Variants in CFAP418 observed in about 807,000 individuals in gnomAD.
The protein encoded by CFAP418 is cilia and flagella associated protein 418.
A neutral mutation model predicts 24.7 loss-of-function variants in CFAP418; 27 were observed. The observed-to-expected ratio is 1.09, with a 90% CI of 0.81 to 1.51. The LOEUF (loss-of-function observed/expected upper bound fraction) is 1.51. Ranked by LOEUF, CFAP418 falls within the 40% of genes most tolerant of loss-of-function variation. The pLI, the probability that CFAP418 is intolerant of heterozygous loss-of-function variation, is 0.00. For missense variants in CFAP418, 257 were observed against 255.2 expected, an observed-to-expected ratio of 1.01 and a Z score of -0.05; for synonymous variants, 74 against 87.3, an observed-to-expected ratio of 0.85 and a Z score of 0.85.
intron 2 of CFAP418, among the ~76,000 whole-genome samples, chr8:95,261,155 C>T (rs1011440316): frequency 1.3e-5 from 2 of 152,060 alleles, no homozygotes; most frequent in African/African-American, 4.8e-5. Context: ...CATAAACCAA[C>T]CACACACTAG....
In CFAP418 at chr8:95,251,888, T is replaced by A. The variant is rs372969292; in HGVS notation, c.470+300A>T. Among the ~76,000 whole-genome samples, 4 of 152,330 alleles carry A rather than the reference T, an allele frequency of 2.6e-5. No homozygotes were observed. In the East Asian group the frequency reaches 5.8e-4, roughly 22 times the overall value. On this transcript the variant is annotated intron_variant, in intron 5 of 5. Transcript: ENST00000286688. ...TCCAAGGCTACAAACCTCTACAGCA[T>A]GTTACTGTTTATACCAGCATCACCA...
rs1160030425 is a variant in CFAP418, at chr8:95,252,282, C to G, written c.376G>C (p.Ala126Pro). 1 of 1,609,612 alleles carries G rather than the reference C, an allele frequency of 6.2e-7. No individual in the cohort carries two copies. ...GCTATACAACGCAGATGGTCACATGCTCTGTTCAGAGAAAAAAAATTGTAT... is the reference window on the plus strand; with the variant it reads ...GCTATACAACGCAGATGGTCACATGGTCTGTTCAGAGAAAAAAAATTGTAT... ...CGIGTNISWR[A>P]CDHLRCIACD... Residue 126 changes from alanine to proline, a missense_variant and splice_region_variant, in exon 5 of 6, where the codon GCA (alanine) becomes CCA (proline). Ala to Pro is a conservative substitution (Grantham distance 27, BLOSUM62 -1). Coordinates refer to ENST00000286688, the MANE Select transcript of CFAP418 (RefSeq NM_177965.4).
In CFAP418 at chr8:95,269,174, C is replaced by G. The variant is rs769221863; in HGVS notation, c.16G>C (p.Asp6His). The G allele has an allele frequency of 6.2e-7, 1 of 1,614,068 alleles. No individual in the cohort carries two copies. The highest frequency in any genetic ancestry group is 1.3e-5 in the African/African-American group (1 of 74,948). ...GACTCGACTTCATCCAAGAGCTCGT[C>G]CAGGTCCTCCGCCATCTTGAATCGC... Reference protein sequence around the residue: MAEDLDELLDEVESKF... With the variant: MAEDLHELLDEVESKF... The change falls in exon 1 of 6, where the codon GAC becomes CAC. Residue 6 changes from aspartate (D) to histidine (H), a missense_variant. Coordinates refer to ENST00000286688, the MANE Select transcript of CFAP418 (RefSeq NM_177965.4).
chr8:95,252,287 T>C lies in CFAP418; in HGVS notation c.375-4A>G, dbSNP rs753468993. The C allele has an allele frequency of 6.3e-7, 1 of 1,599,478 alleles. No homozygotes were observed. Among genetic ancestry groups the C allele is most frequent in the South Asian group, 1.1e-5 (1 of 88,050 alleles). On this transcript the variant is annotated splice_region_variant and splice_polypyrimidine_tract_variant and intron_variant, in intron 4 of 5. Transcript: ENST00000286688. ...ACAACGCAGATGGTCACATGCTCTG[T>C]TCAGAGAAAAAAAATTGTATATTAA... is the stretch of plus-strand genomic sequence containing the variant.
At position 95,263,747 on chromosome 8, in the gene CFAP418, A is replaced by G. The variant is rs747285368; in HGVS notation, c.183T>C (p.Asp61=). The change falls in exon 2 of 6, where the codon GAT becomes GAC. Residue 61 remains aspartate (D), a synonymous_variant. Coordinates refer to ENST00000286688, the MANE Select transcript of CFAP418 (RefSeq NM_177965.4). The part of the protein sequence containing the change: ...LRSTETFKKE[D]DLDSLINEIL... ...TTTCATTAATAAGACTGTCAAGATC[A>G]TCTTCTTTTTTAAATGTTTCTGTTG... is the stretch of plus-strand genomic sequence containing the variant. 6.2e-7 allele frequency: 1 copy of G among 1,608,794 alleles called. No homozygotes were observed. Among genetic ancestry groups the G allele is most frequent in the Admixed American group, 1.7e-5 (1 of 59,940 alleles).
chr8:95,262,634 T>G (rs975629170), intron 2 of CFAP418, among the ~76,000 whole-genome samples: 1 of 152,216 alleles, frequency 6.6e-6, no homozygotes, highest in African/African-American at 2.4e-5. Context: ...CTGCCCAGTA[T>G]GAAAAATGTT....
At chr8:95,261,570 T>C (rs1398596846) in intron 2 of CFAP418, among the ~76,000 whole-genome samples, 1 of 152,160 alleles carries the variant, frequency 6.6e-6, no homozygotes, top group Non-Finnish European at 1.5e-5. Flanking sequence ...AATGACAACG[T>C]TGGCATAGAC....
intron 1 of CFAP418, among the ~76,000 whole-genome samples, chr8:95,263,980 C>A (rs1016283049): frequency 1.6e-4 from 24 of 152,078 alleles, no homozygotes; most frequent in African/African-American, 4.3e-4. Flanking sequence ...ATGTTCTATA[C>A]TATTACATAC....
rs1224330895 is a variant in CFAP418, at chr8:95,268,674, C to G, written c.155+361G>C. 4.6e-5 allele frequency among the ~76,000 whole-genome samples: 7 copies of G among 151,344 alleles called. No individual in the cohort carries two copies. In the South Asian group the frequency reaches 1.0e-3, roughly 23 times the overall value. On this transcript the variant is annotated intron_variant, in intron 1 of 5. Coordinates refer to ENST00000286688, the MANE Select transcript of CFAP418 (RefSeq NM_177965.4). ...AGAACGGGGCGCCTGAGGGGTATCC[C>G]GGTCCCCGACTAGAACCTCCTACGC...
intron 2 of CFAP418, among the ~76,000 whole-genome samples, chr8:95,261,993 G>A (rs1287934651): frequency 6.6e-6 from 1 of 152,220 alleles, no homozygotes. Context: ...TATTTAGGAA[G>A]TATTCTATTT....
chr8:95,257,691 C>T (rs180764272), intron 4 of CFAP418, among the ~76,000 whole-genome samples: 42 of 152,186 alleles, frequency 2.8e-4, no homozygotes, highest in Admixed American at 1.0e-3. Context: ...TTTGTGGTGA[C>T]GCTGATGTAA....
intron 1 of CFAP418, chr8:95,268,775 C>CA (rs1306954467): frequency 0.049 from 5,584 of 113,408 alleles, 156 homozygotes; most frequent in Admixed American, 0.081. Flanking sequence ...CGGGGCGGGG[C>CA]GGGGCGGGGC....
intron 2 of CFAP418, among the ~76,000 whole-genome samples, chr8:95,261,268 G>A (rs895421755): frequency 2.6e-4 from 40 of 152,152 alleles, no homozygotes; most frequent in Non-Finnish European, 5.3e-4. Context: ...TAATAGAGGC[G>A]AAAATATTGT....
intron 2 of CFAP418, among the ~76,000 whole-genome samples, chr8:95,260,940 G>A (rs886407142): frequency 1.3e-5 from 2 of 152,136 alleles, no homozygotes; most frequent in South Asian, 2.1e-4. Flanking sequence ...GTGAATGTGC[G>A]TCATATGAAT....
intron 4 of CFAP418, among the ~76,000 whole-genome samples, chr8:95,257,224 G>T (rs1309064421): frequency 6.6e-6 from 1 of 152,126 alleles, no homozygotes; most frequent in Non-Finnish European, 1.5e-5. Context: ...GTTGAGACAG[G>T]CAATTTAGGA....
At chr8:95,250,955 C>A (rs547564356) in intron 5 of CFAP418, among the ~76,000 whole-genome samples, 2 of 152,160 alleles carry the variant, frequency 1.3e-5, no homozygotes, top group African/African-American at 4.8e-5. Context: ...AGTCTCTTAC[C>A]CTTTTCTTTA....
chr8:95,264,447 CATGAGT>C (rs1811942529), intron 1 of CFAP418, among the ~76,000 whole-genome samples: 1 of 152,128 alleles, frequency 6.6e-6, no homozygotes, highest in Non-Finnish European at 1.5e-5. Context: ...TTAGTCTTTA[CATGAGT>C]ATATCTTTAT....
intron 1 of CFAP418, among the ~76,000 whole-genome samples, chr8:95,265,600 T>A (rs193003930): frequency 6.6e-6 from 1 of 152,318 alleles, no homozygotes; most frequent in East Asian, 1.9e-4. Context: ...TTCTCTCCTT[T>A]GGCTTTCAGG....
Position 95,254,624 on chromosome 8 carries a change from A to G in CFAP418, c.375-2341T>C, listed in dbSNP as rs140896710. Among the ~76,000 whole-genome samples, 402 of 152,356 alleles carry G rather than the reference A, an allele frequency of 2.6e-3. 2 individuals are homozygous for G. Among genetic ancestry groups the G allele is most frequent in the African/African-American group, 9.5e-3 (393 of 41,586 alleles). On this transcript the variant is annotated intron_variant, in intron 4 of 5. Transcript: ENST00000286688. ...TCACTATTTTAAAGATGTTTACGAC[A>G]GGAATGCCCCAAATCCAACCCAATA... is the stretch of plus-strand genomic sequence containing the variant.
Sources: gnomAD v4.1 joint callset for allele counts (sites outside exome capture counted in the v4.1 genomes callset) on GRCh38, gnomAD v4.1.1 for gene constraint, MANE v1.5 for transcripts, NCBI Gene and HGNC (gene_info 2026-07-23, HGNC 2026-07-21) for gene names.